FOXN3: variants seen among roughly 807,000 people sequenced by gnomAD.
FOXN3 encodes forkhead box N3, also known as forkhead box protein N3.
Under a neutral mutation model 38.4 loss-of-function variants are expected in FOXN3, and 7 were observed. That is an observed-to-expected ratio of 0.18 (90% CI 0.10 to 0.34). The LOEUF is 0.34. Ranked by LOEUF, FOXN3 falls within the 10% of genes least tolerant of loss-of-function variation. FOXN3 has a pLI of 1.00. For synonymous variants in FOXN3, 230 were observed against 242.2 expected (o/e 0.95, Z 0.47); for missense variants, 456 against 613.4 (o/e 0.74, Z 2.71).
At chr14:89,333,961 G>GGTGTGT (rs1477552650) in intron 3 of FOXN3, among the ~76,000 whole-genome samples, 2 of 59,466 alleles carry the variant, frequency 3.4e-5, no homozygotes, top group African/African-American at 1.7e-4. Context: ...AAGAAAATGT[G>GGTGTGT]GTGTGTATAT....
At chr14:89,253,020 G>A (rs888232732) in intron 4 of FOXN3, among the ~76,000 whole-genome samples, 13 of 152,212 alleles carry the variant, frequency 8.5e-5, no homozygotes, top group African/African-American at 3.1e-4. Flanking sequence ...AGGACACTAA[G>A]TGTCTGGTGT....
exon 1 of FOXN3, chr14:89,619,081 C>A (rs1321780210): frequency 3.3e-5 from 5 of 152,258 alleles, no homozygotes; most frequent in Non-Finnish European, 7.4e-5. Context: ...GGGGCTGCGG[C>A]GACGCTGGAC....
rs2080309 is a variant in FOXN3, at chr14:89,425,175, A to G, written c.-14-12685T>C. ...TGCCTCCCGGGTCCTGGTTCAAGCAATTCTCCCACCTCAGCCTCCCAAGTA... is the reference window on the plus strand; with the variant it reads ...TGCCTCCCGGGTCCTGGTTCAAGCAGTTCTCCCACCTCAGCCTCCCAAGTA... On this transcript the variant is annotated intron_variant, in intron 1 of 6. Coordinates refer to the FOXN3 transcript ENST00000345097. Among the ~76,000 whole-genome samples the G allele has an allele frequency of 1.8e-3, 265 of 148,660 alleles. 1 individual carries two copies. The highest frequency in any genetic ancestry group is 5.9e-3 in the African/African-American group (236 of 40,160).
At chr14:89,613,274 GA>G (rs1896432137) in intron 1 of FOXN3, among the ~76,000 whole-genome samples, 1 of 152,144 alleles carries the variant, frequency 6.6e-6, no homozygotes, top group African/African-American at 2.4e-5. Flanking sequence ...CACATTTGGA[GA>G]AGCCACCTGT....
chr14:89,328,975 G>A (rs1200967478), intron 3 of FOXN3, among the ~76,000 whole-genome samples: 4 of 152,188 alleles, frequency 2.6e-5, no homozygotes, highest in South Asian at 2.1e-4. Context: ...CAGAGGCCAC[G>A]GATGCAGGCC....
At chr14:89,613,542 C>A (rs1896437033) in intron 1 of FOXN3, among the ~76,000 whole-genome samples, 1 of 152,156 alleles carries the variant, frequency 6.6e-6, no homozygotes, top group Non-Finnish European at 1.5e-5. Flanking sequence ...ACCATCATTT[C>A]GATCATTTCA....
chr14:89,261,285 A>G (rs1023652852), intron 4 of FOXN3, among the ~76,000 whole-genome samples: 4 of 152,086 alleles, frequency 2.6e-5, no homozygotes, highest in African/African-American at 7.2e-5. Flanking sequence ...CCTGAGATCT[A>G]TCACTGTGGG....
chr14:89,221,814 T>C (rs1361409092), intron 4 of FOXN3, among the ~76,000 whole-genome samples: 1 of 151,962 alleles, frequency 6.6e-6, no homozygotes, highest in Non-Finnish European at 1.5e-5. Flanking sequence ...CCAACTTCCC[T>C]GTCTATATAA....
chr14:89,604,097 C>T (rs1474708479), intron 1 of FOXN3, among the ~76,000 whole-genome samples: 1 of 152,126 alleles, frequency 6.6e-6, no homozygotes, highest in African/African-American at 2.4e-5. Context: ...GATAATGATC[C>T]TAGGAACCTG....
rs187258519 is a variant in FOXN3, at chr14:89,359,869, A to C, written c.544-9061T>G. 1.3e-3 allele frequency among the ~76,000 whole-genome samples: 191 copies of C among 152,284 alleles called. 1 individual carries two copies. Among genetic ancestry groups the C allele is most frequent in the Non-Finnish European group, 6.8e-4 (46 of 68,028 alleles). ...AGAGAAGGGTCTCCCTGGCTGGGGC[A>C]GCTGGGCCTCTGAGGCCACTGTTCT... On this transcript the variant is annotated intron_variant, in intron 2 of 5. Transcript: ENST00000557258.
In FOXN3 at chr14:89,412,736, T is replaced by A. The variant is rs1421447481; in HGVS notation, c.-14-246A>T. ...GTGACCTGATGCCCCTTAAATAAAA[T>A]AAGACCAGTAACACCGGCCAGGCAC... On this transcript the variant is annotated intron_variant, in intron 1 of 5. Transcript: ENST00000557258. This position sits in a 1 kb window ranked among gnomAD's most constrained non-coding sequence, Gnocchi z 4.7. Among the ~76,000 whole-genome samples, 1 of 152,012 alleles carries A rather than the reference T, an allele frequency of 6.6e-6. No individual in the cohort carries two copies. The highest frequency in any genetic ancestry group is 2.4e-5 in the African/African-American group (1 of 41,374).
intron 1 of FOXN3, among the ~76,000 whole-genome samples, chr14:89,485,110 C>T (rs1333326170): frequency 6.7e-6 from 1 of 148,382 alleles, no homozygotes; most frequent in African/African-American, 2.5e-5. Flanking sequence ...AGAGATGGCG[C>T]CACTGCACTC....
chr14:89,414,572 G>A (rs1248177806), intron 1 of FOXN3, among the ~76,000 whole-genome samples: 6 of 58,224 alleles, frequency 1.0e-4, no homozygotes, highest in African/African-American at 3.8e-4. Context: ...TTTTTTTTTT[G>A]AGACAGAGTC....
rs1299190942 is a variant in FOXN3, at chr14:89,543,012, C to T, written c.-15+76016G>A. Among the ~76,000 whole-genome samples the T allele has an allele frequency of 8.6e-5, 13 of 150,496 alleles. No homozygotes were observed. In the South Asian group the frequency reaches 1.9e-3, roughly 22 times the overall value. ...GGTAGAAGGAAACCATCAATCCTGC[C>T]GGTGAAGTATTTAGCTACAAAAGGA... On this transcript the variant is annotated intron_variant, in intron 1 of 6. Coordinates refer to the FOXN3 transcript ENST00000345097.
At chr14:89,290,293 C>T in intron 3 of FOXN3, 1 of 333,450 alleles carries the variant, frequency 3.0e-6, no homozygotes, top group Non-Finnish European at 5.9e-6. Flanking sequence ...TAAGTATATT[C>T]ATTTTGGATG....
intron 1 of FOXN3, among the ~76,000 whole-genome samples, chr14:89,564,696 C>T (rs754228494): frequency 9.9e-5 from 15 of 152,148 alleles, no homozygotes; most frequent in African/African-American, 1.4e-4. Context: ...CTCTCGGAAC[C>T]TCAGAATGTG....
intron 1 of FOXN3, among the ~76,000 whole-genome samples, chr14:89,508,359 C>G (rs753424412): frequency 1.5e-4 from 23 of 152,124 alleles, no homozygotes; most frequent in Non-Finnish European, 2.9e-4. Context: ...CTTTGTAATA[C>G]TCTACTATGA....
intron 1 of FOXN3, among the ~76,000 whole-genome samples, chr14:89,478,026 C>T (rs920984544): frequency 2.0e-5 from 3 of 152,138 alleles, no homozygotes; most frequent in African/African-American, 7.2e-5. Flanking sequence ...GAAATGTAAT[C>T]GCCAATGTTG....
chr14:89,509,262 G>A (rs182310208), intron 1 of FOXN3, among the ~76,000 whole-genome samples: 2 of 152,294 alleles, frequency 1.3e-5, no homozygotes, highest in East Asian at 3.9e-4. Context: ...CCTGGACCTT[G>A]TTCCCTGCTT....
Sources: gnomAD v4.1 joint callset for allele counts (sites outside exome capture counted in the v4.1 genomes callset) on GRCh38, gnomAD v4.1.1 for gene constraint, Gnocchi (gnomAD v3.1) non-coding constraint, MANE v1.5 for transcripts, NCBI Gene and HGNC (gene_info 2026-07-23, HGNC 2026-07-21) for gene names.